Variants in MYO18A observed in about 807,000 individuals in gnomAD.
MYO18A encodes the protein myosin XVIIIA, also known as unconventional myosin-XVIIIa.
A neutral mutation model predicts 235.8 loss-of-function variants in MYO18A; 78 were observed. That is an observed-to-expected ratio of 0.33 (90% CI 0.28 to 0.40). The LOEUF is 0.40. MYO18A is among the 10% of genes least tolerant of loss of function. The pLI is 1.00. For synonymous variants in MYO18A, 977 were observed against 1,077.8 expected (o/e 0.91, Z 1.83); for missense variants, 2,215 against 2,699.3 (o/e 0.82, Z 3.98).
At chr17:29,137,568 T>C (rs1221106696) in intron 2 of MYO18A, among the ~76,000 whole-genome samples, 1 of 152,174 alleles carries the variant, frequency 6.6e-6, no homozygotes, top group Non-Finnish European at 1.5e-5. Flanking sequence ...GGAATGTATG[T>C]CCAGTGAGCT....
intron 40 of MYO18A, among the ~76,000 whole-genome samples, chr17:29,083,938 C>T (rs554403151): frequency 2.0e-5 from 3 of 152,328 alleles, no homozygotes; most frequent in East Asian, 3.9e-4. Flanking sequence ...ATGTTAAAAG[C>T]GTTTCCATAT....
chr17:29,164,845 C>T (rs927082855), intron 2 of MYO18A, among the ~76,000 whole-genome samples: 1 of 152,172 alleles, frequency 6.6e-6, no homozygotes, highest in Admixed American at 6.5e-5. Flanking sequence ...GTGCCTCCTG[C>T]TGCTCTTTTT....
rs553981404 is a variant in MYO18A, at chr17:29,098,153, C to T, written c.3942G>A (p.Ala1314=). 16 of 1,613,884 alleles carry T rather than the reference C, an allele frequency of 9.9e-6. No homozygotes were observed. Among genetic ancestry groups the T allele is most frequent in the South Asian group, 3.3e-5 (3 of 91,092 alleles). Residue 1314 remains alanine (A), a synonymous_variant, in exon 25 of 42, where the codon GCG becomes GCA. Coordinates refer to ENST00000527372, the MANE Select transcript of MYO18A (RefSeq NM_078471.4). ...TGESASQLLD[A]ETAERLRAEK... ...CAGCCCGGAGCCTCTCTGCTGTCTC[C>T]GCGTCCAGCAGCTGGGAGGCGGACT... is the stretch of plus-strand genomic sequence containing the variant.
At chr17:29,091,109 G>T in intron 34 of MYO18A, 183 bp from the exon 35 acceptor site, 1 of 590,034 alleles carries the variant, frequency 1.7e-6, no homozygotes, top group Non-Finnish European at 3.0e-6. Context: ...AGGGAGATGA[G>T]GGAAAGGGCT....
rs536036375 is a variant in MYO18A, at chr17:29,095,177, C to G, written c.4386-118G>C. On this transcript the variant is annotated intron_variant, in intron 28 of 41. Transcript: ENST00000527372. ...AGCAGGGGTGGGGGGACCCATGCAG[C>G]CCTAACGTGGGGCCAGTTGTAAGGT... is the stretch of plus-strand genomic sequence containing the variant. The G allele has an allele frequency of 4.4e-4, 615 of 1,387,520 alleles. 6 individuals are homozygous for G. In the African/African-American group the frequency reaches 8.4e-3, roughly 19 times the overall value. The allele number at this position is 1,387,520 out of a possible 1,614,324, so 86.0% of individuals were successfully genotyped here. A position where few individuals can be genotyped will look rare whatever the true frequency, so the allele number is the denominator to read the frequency against.
In MYO18A at chr17:29,071,843, T is replaced by C. The variant is rs140237397; in HGVS notation, c.*2927A>G. 4 of 152,332 alleles carry C rather than the reference T, an allele frequency of 2.6e-5. No individual in the cohort carries two copies. The highest frequency in any genetic ancestry group is 4.4e-5 in the Non-Finnish European group (3 of 68,040). 9.4% of individuals were successfully genotyped at this position (152,332 alleles called of 1,614,324 possible). ...CTTATGCATACTAGCAGGTGCAGCATGTATTTTGTGTCTACCTTCCTCCAC... is the reference window on the plus strand; with the variant it reads ...CTTATGCATACTAGCAGGTGCAGCACGTATTTTGTGTCTACCTTCCTCCAC... On this transcript the variant is annotated 3_prime_UTR_variant, in exon 42 of 42. Coordinates refer to ENST00000527372, the MANE Select transcript of MYO18A (RefSeq NM_078471.4).
At chr17:29,141,304 G>T (rs1450053972) in intron 2 of MYO18A, among the ~76,000 whole-genome samples, 1 of 152,162 alleles carries the variant, frequency 6.6e-6, no homozygotes, top group African/African-American at 2.4e-5. Context: ...CAGGACTAGG[G>T]ACCCGCTGAG....
intron 2 of MYO18A, among the ~76,000 whole-genome samples, chr17:29,153,320 A>G (rs1457897546): frequency 6.6e-6 from 1 of 151,760 alleles, no homozygotes; most frequent in Non-Finnish European, 1.5e-5. Context: ...GGGTCTCACC[A>G]TGTTGTCTGG....
At chr17:29,115,235 TG>T in intron 13 of MYO18A, 115 bp downstream of exon 13, 2 of 1,432,794 alleles carry the variant, frequency 1.4e-6, no homozygotes, top group Non-Finnish European at 1.9e-6. Context: ...TCATAGCCCA[TG>T]GGACAGGGAG....
intron 11 of MYO18A, among the ~76,000 whole-genome samples, 168 bp downstream of exon 11, chr17:29,116,276 C>G (rs1346884069): frequency 6.6e-6 from 1 of 152,198 alleles, no homozygotes; most frequent in African/African-American, 2.4e-5. Flanking sequence ...CTCCCTCTTG[C>G]CCCCTGGCAT....
chr17:29,079,622 G>A lies in MYO18A; in HGVS notation c.6020+2694C>T, dbSNP rs1048932475. The A allele has an allele frequency of 2.8e-5, 22 of 792,122 alleles. No individual in the cohort carries two copies. In the African/African-American group the frequency reaches 3.9e-4, roughly 14 times the overall value. 49.1% of individuals were successfully genotyped at this position (792,122 alleles called of 1,614,324 possible). A position where few individuals can be genotyped will look rare whatever the true frequency, so the allele number is the denominator to read the frequency against. On this transcript the variant is annotated intron_variant, in intron 41 of 41. Coordinates refer to ENST00000527372, the MANE Select transcript of MYO18A (RefSeq NM_078471.4). ...GCTCTCCGAGGCCAGGCATGCCCGA[G>A]AGGAGTGCGGGTGGGCCCTAAGGTG... is the stretch of plus-strand genomic sequence containing the variant.
In MYO18A at chr17:29,114,890, C is replaced by G; in HGVS notation, c.2511+17G>C. 3.7e-6 allele frequency: 6 copies of G among 1,605,490 alleles called. No individual in the cohort carries two copies. The highest frequency in any genetic ancestry group is 3.4e-6 in the Non-Finnish European group (4 of 1,175,016). Reference sequence around the variant, plus strand: ...GCCAGAATCTGAGGCTAGATGAGGCCCAGGCCCCAGAGCTACCTCCTTGTA... The same window carrying G: ...GCCAGAATCTGAGGCTAGATGAGGCGCAGGCCCCAGAGCTACCTCCTTGTA... On this transcript the variant is annotated intron_variant, in intron 14 of 41. Coordinates refer to ENST00000527372, the MANE Select transcript of MYO18A (RefSeq NM_078471.4).
chr17:29,100,555 C>T (rs1275694846), intron 21 of MYO18A, among the ~76,000 whole-genome samples: 7 of 152,158 alleles, frequency 4.6e-5, no homozygotes, highest in African/African-American at 1.2e-4. Flanking sequence ...CACTCTGTGC[C>T]GCCCTGAGAT....
intron 41 of MYO18A, among the ~76,000 whole-genome samples, chr17:29,081,836 T>C (rs931546144): frequency 4.0e-5 from 6 of 151,828 alleles, no homozygotes; most frequent in Admixed American, 2.6e-4. Flanking sequence ...AGTGAAGAGA[T>C]TAGAGGAAGG....
chr17:29,167,128 A>G, intron 1 of MYO18A, 107 bp from the exon 2 acceptor site: 1 of 745,936 alleles, frequency 1.3e-6, no homozygotes, highest in Non-Finnish European at 2.1e-6. Context: ...GGTGCTAGCT[A>G]TGTGCCAGGC....
Position 29,120,168 on chromosome 17 carries a change from G to A in MYO18A, c.1728+448C>T, listed in dbSNP as rs1235385187. 1.3e-5 allele frequency among the ~76,000 whole-genome samples: 2 copies of A among 152,256 alleles called. No homozygotes were observed. The highest frequency in any genetic ancestry group is 2.9e-5 in the Non-Finnish European group (2 of 68,046). On this transcript the variant is annotated intron_variant, in intron 7 of 41. Coordinates refer to ENST00000527372, the MANE Select transcript of MYO18A (RefSeq NM_078471.4). This position sits in a 1 kb window ranked among gnomAD's most constrained non-coding sequence, Gnocchi z 4.2. Reference sequence around the variant, plus strand: ...GCCCAGCTCCCAAAGGGGCCCTGCTGCTCTGCCCAGACCCCAGGTGCCTGC... The same window carrying A: ...GCCCAGCTCCCAAAGGGGCCCTGCTACTCTGCCCAGACCCCAGGTGCCTGC...
intron 1 of MYO18A, among the ~76,000 whole-genome samples, chr17:29,171,280 A>T (rs746878150): frequency 5.3e-5 from 8 of 151,954 alleles, no homozygotes; most frequent in Non-Finnish European, 1.0e-4. Flanking sequence ...TAATAAAAAT[A>T]AAAAAAATTA....
chr17:29,176,691 T>C (rs1365760598), intron 1 of MYO18A: 1 of 152,178 alleles, frequency 6.6e-6, no homozygotes, highest in Non-Finnish European at 1.5e-5. Context: ...GGCCCCGTGC[T>C]CCAGGGGGAG....
At chr17:29,168,170 C>T (rs762976362) in intron 1 of MYO18A, among the ~76,000 whole-genome samples, 22 of 117,846 alleles carry the variant, frequency 1.9e-4, no homozygotes, top group Middle Eastern at 4.3e-3. Context: ...TAGACAGCTG[C>T]GAGGTGGGGG....
Sources: gnomAD v4.1 joint callset for allele counts (sites outside exome capture counted in the v4.1 genomes callset) on GRCh38, gnomAD v4.1.1 for gene constraint, Gnocchi (gnomAD v3.1) non-coding constraint, MANE v1.5 for transcripts, NCBI Gene and HGNC (gene_info 2026-07-23, HGNC 2026-07-21) for gene names.